Variants in TOX observed in about 807,000 individuals in gnomAD.
TOX encodes thymocyte selection associated high mobility group box, also known as thymocyte selection-associated high mobility group box protein TOX.
In TOX, 11 loss-of-function variants were observed where a neutral mutation model predicts 53.7. That is an observed-to-expected ratio of 0.20 (90% confidence interval 0.13 to 0.34). The LOEUF is 0.34. Ranked by LOEUF, TOX falls within the 10% of genes least tolerant of loss-of-function variation. The pLI, the probability that TOX is intolerant of heterozygous loss-of-function variation, is 1.00. For synonymous variants in TOX, 225 were observed against 245.3 expected (o/e 0.92, Z 0.77); for missense variants, 570 against 664.6 (o/e 0.86, Z 1.56).
At chr8:59,021,500 G>GATATATATATACACA (rs1814135308) in intron 1 of TOX, among the ~76,000 whole-genome samples, 1 of 120,790 alleles carries the variant, frequency 8.3e-6, no homozygotes, top group Non-Finnish European at 1.7e-5. Flanking sequence ...ATATATATAT[G>GATATATATATACACA]CACATATATA....
rs933781325 is a variant in TOX, at chr8:58,805,549, G to A, written c.*2198C>T. ...CTCTAGAAAAGCTGTAAACAACACGGCACTGTGCTTTCCTGCACAAACCGC... is the reference window on the plus strand; with the variant it reads ...CTCTAGAAAAGCTGTAAACAACACGACACTGTGCTTTCCTGCACAAACCGC... On this transcript the variant is annotated 3_prime_UTR_variant, in exon 9 of 9. Coordinates refer to ENST00000361421, the MANE Select transcript of TOX (RefSeq NM_014729.3). The A allele has an allele frequency of 9.2e-5, 14 of 152,582 alleles. No homozygotes were observed. Among genetic ancestry groups the A allele is most frequent in the Non-Finnish European group, 1.8e-4 (12 of 68,034 alleles). The allele number at this position is 152,582 out of a possible 1,614,324, so 9.5% of individuals were successfully genotyped here.
At chr8:59,073,895 C>T (rs144676676) in intron 1 of TOX, among the ~76,000 whole-genome samples, 1,555 of 152,184 alleles carry the variant, frequency 0.01, 10 homozygotes, top group Admixed American at 0.019. Flanking sequence ...GTGTGACTTG[C>T]GGATATTACG....
intron 7 of TOX, among the ~76,000 whole-genome samples, chr8:58,811,378 A>G (rs1810072303): frequency 6.6e-6 from 1 of 152,240 alleles, no homozygotes; most frequent in Admixed American, 6.5e-5. Context: ...GAAACATGAT[A>G]AAGATTAATT....
At chr8:58,838,913 G>C (rs1388026180) in intron 4 of TOX, among the ~76,000 whole-genome samples, 3 of 151,938 alleles carry the variant, frequency 2.0e-5, no homozygotes, top group Admixed American at 2.0e-4. Context: ...TGTTGGCCAG[G>C]ATGGTCTCGA....
chr8:58,872,115 A>G (rs961161605), intron 3 of TOX, among the ~76,000 whole-genome samples: 4 of 152,138 alleles, frequency 2.6e-5, no homozygotes, highest in African/African-American at 9.7e-5. Flanking sequence ...ACCAAACAAT[A>G]TACACACACA....
At chr8:59,023,526 A>G (rs1814177189) in intron 1 of TOX, among the ~76,000 whole-genome samples, 1 of 152,138 alleles carries the variant, frequency 6.6e-6, no homozygotes, top group Admixed American at 6.6e-5. Flanking sequence ...GACTCAGTCT[A>G]TGGCTCTTTC....
At chr8:59,108,855 C>T (rs1804961425) in intron 1 of TOX, among the ~76,000 whole-genome samples, 1 of 152,114 alleles carries the variant, frequency 6.6e-6, no homozygotes, top group Non-Finnish European at 1.5e-5. Context: ...CAACACTATG[C>T]CTATAAATTG....
At chr8:59,012,579 GA>G (rs1239388822) in intron 1 of TOX, among the ~76,000 whole-genome samples, 1 of 152,032 alleles carries the variant, frequency 6.6e-6, no homozygotes, top group African/African-American at 2.4e-5. Context: ...CTTAAAGCCA[GA>G]ATCAGGATAT....
At chr8:58,850,643 A>G (rs1810797133) in intron 4 of TOX, among the ~76,000 whole-genome samples, 1 of 152,208 alleles carries the variant, frequency 6.6e-6, no homozygotes, top group African/African-American at 2.4e-5. Flanking sequence ...AATCTCTAAA[A>G]ATTAGCTAGC....
chr8:58,913,196 G>T (rs1225229201), intron 3 of TOX, among the ~76,000 whole-genome samples: 1 of 152,140 alleles, frequency 6.6e-6, no homozygotes, highest in African/African-American at 2.4e-5. Flanking sequence ...CATGCCTGTA[G>T]TCCCAGCTCC....
chr8:58,849,437 TG>T (rs1201309066), intron 4 of TOX, among the ~76,000 whole-genome samples: 1 of 152,204 alleles, frequency 6.6e-6, no homozygotes, highest in East Asian at 1.9e-4. Flanking sequence ...TTTCAAGATG[TG>T]GATATTGAAT....
At chr8:58,889,162 C>A (rs1169116671) in intron 3 of TOX, among the ~76,000 whole-genome samples, 1 of 143,296 alleles carries the variant, frequency 7.0e-6, no homozygotes, top group Non-Finnish European at 1.5e-5. Context: ...CACTTACACT[C>A]ATATAAGATA....
At chr8:59,116,446 T>C (rs1396512320) in intron 1 of TOX, among the ~76,000 whole-genome samples, 3 of 152,210 alleles carry the variant, frequency 2.0e-5, no homozygotes, top group Non-Finnish European at 4.4e-5. Flanking sequence ...CTCATGTCAT[T>C]GCAAAAACAA....
chr8:58,939,845 G>C (rs1011870207), intron 2 of TOX, among the ~76,000 whole-genome samples: 1 of 152,170 alleles, frequency 6.6e-6, no homozygotes, highest in African/African-American at 2.4e-5. Context: ...TAATCTAGCT[G>C]AATACCTCTT....
At position 58,834,348 on chromosome 8, in the gene TOX, A is replaced by G. The variant is rs550938929; in HGVS notation, c.924+3733T>C. ...CTGCCTACACAATGCCAACAGCATC[A>G]CATGGTTGGTTCTGTAACATGCATA... On this transcript the variant is annotated intron_variant, in intron 5 of 8. Transcript: ENST00000361421. 4.6e-5 allele frequency among the ~76,000 whole-genome samples: 7 copies of G among 152,348 alleles called. No homozygotes were observed. In the South Asian group the frequency reaches 1.5e-3, roughly 32 times the overall value.
intron 1 of TOX, among the ~76,000 whole-genome samples, chr8:59,000,191 T>C (rs1813663555): frequency 6.6e-6 from 1 of 152,072 alleles, no homozygotes; most frequent in African/African-American, 2.4e-5. Flanking sequence ...AAAGAATAGA[T>C]GTGTATATTC....
chr8:58,829,534 G>T (rs915281795), intron 5 of TOX, among the ~76,000 whole-genome samples: 3 of 152,146 alleles, frequency 2.0e-5, no homozygotes, highest in African/African-American at 4.8e-5. Context: ...TTCAAAGGGG[G>T]GTCATTTCAG....
chr8:58,869,134 AG>A (rs1418937320), intron 3 of TOX, among the ~76,000 whole-genome samples: 5 of 148,936 alleles, frequency 3.4e-5, no homozygotes, highest in Non-Finnish European at 7.4e-5. Flanking sequence ...AACTAAGGCA[AG>A]GGAATCACTT....
At chr8:59,096,793 G>A (rs146335869) in intron 1 of TOX, among the ~76,000 whole-genome samples, 8 of 152,156 alleles carry the variant, frequency 5.3e-5, no homozygotes, top group East Asian at 3.9e-4. Flanking sequence ...TGTTGCTGGC[G>A]TCCTCCCATC....
Sources: allele counts gnomAD v4.1 joint callset (sites outside exome capture counted in the v4.1 genomes callset), GRCh38; gene constraint gnomAD v4.1.1; transcripts MANE v1.5; gene names NCBI Gene and HGNC (gene_info 2026-07-23, HGNC 2026-07-21).